PRKDC: variants seen among roughly 807,000 people sequenced by gnomAD.
The protein encoded by PRKDC is protein kinase, DNA-activated, catalytic subunit.
PRKDC carries 82 observed loss-of-function variants against 486.9 expected under a neutral mutation model. The observed-to-expected ratio is 0.17, with a 90% CI of 0.14 to 0.20. The LOEUF (loss-of-function observed/expected upper bound fraction) is 0.20, where lower values mean the gene tolerates loss of function less well. PRKDC is among the 10% of genes least tolerant of loss of function. PRKDC has a pLI of 1.00. For synonymous variants in PRKDC, 1,895 were observed against 1,837.0 expected, an observed-to-expected ratio of 1.03 and a Z score of -0.81; for missense variants, 4,504 against 5,038.2, an observed-to-expected ratio of 0.89 and a Z score of 3.21.
intron 26 of PRKDC, among the ~76,000 whole-genome samples, chr8:47,904,312 T>C (rs1338779189): frequency 2.6e-5 from 4 of 152,190 alleles, no homozygotes; most frequent in East Asian, 1.9e-4. Flanking sequence ...TGGAGTGCAG[T>C]AGCGCAATCT....
At chr8:47,939,896 G>T in intron 10 of PRKDC, 199 bp from the exon 11 acceptor site, 1 of 244,916 alleles carries the variant, frequency 4.1e-6, no homozygotes, top group Non-Finnish European at 7.6e-6. Flanking sequence ...ATAAGGCTAT[G>T]TGATACATTT....
intron 40 of PRKDC, 29 bp downstream of exon 40, chr8:47,877,695 T>A: frequency 6.5e-7 from 1 of 1,542,844 alleles, no homozygotes; most frequent in Non-Finnish European, 8.8e-7. Context: ...TGCGTATGGT[T>A]CCTGAGATCC....
At chr8:47,820,974 C>T in intron 65 of PRKDC, 31 bp from the exon 66 acceptor site, 6 of 1,385,644 alleles carry the variant, frequency 4.3e-6, no homozygotes, top group Non-Finnish European at 5.9e-6. Flanking sequence ...CTTGTAACTA[C>T]AGAAGGCCAA....
rs1334046375 is a variant in PRKDC, at chr8:47,774,307, T to C, written c.12253A>G (p.Lys4085Glu). 1 of 1,613,332 alleles carries C rather than the reference T, an allele frequency of 6.2e-7. No individual in the cohort carries two copies. The change falls in exon 86 of 86, where the codon AAA (lysine) becomes GAA (glutamate). Residue 4085 changes from lysine to glutamate, a missense_variant. Transcript: ENST00000314191. Reference sequence around the variant, plus strand: ...TCTTGGGCACGAATGTTGTGATCTTTGCTTCCTCGTGCCACAGCCACATAG... The same window carrying C: ...TCTTGGGCACGAATGTTGTGATCTTCGCTTCCTCGTGCCACAGCCACATAG... ...RDYVAVARGS[K>E]DHNIRAQEPE...
Position 47,782,596 on chromosome 8 carries a change from C to G in PRKDC, c.11178G>C (p.Val3726=), listed in dbSNP as rs779550531. The part of the protein sequence containing the change: ...HVRIAGFDER[V]TVMASLRRPK... ...GCCTTCGCAGAGACGCCATGACTGTCACCTTCAAAAATCAGAATGTCATCT... is the reference window on the plus strand; with the variant it reads ...GCCTTCGCAGAGACGCCATGACTGTGACCTTCAAAAATCAGAATGTCATCT... Residue 3726 remains valine (V), a splice_region_variant and synonymous_variant, in exon 79 of 86, where the codon GTG becomes GTC. Coordinates refer to ENST00000314191, the MANE Select transcript of PRKDC (RefSeq NM_006904.7). This position sits in a 1 kb window ranked among gnomAD's most constrained non-coding sequence, Gnocchi z 4.9. 6.4e-7 allele frequency: 1 copy of G among 1,555,740 alleles called. No homozygotes were observed. Among genetic ancestry groups the G allele is most frequent in the Non-Finnish European group, 8.7e-7 (1 of 1,149,670 alleles).
intron 3 of PRKDC, 64 bp downstream of exon 3, chr8:47,957,107 T>C (rs779645043): frequency 4.2e-5 from 46 of 1,103,226 alleles, no homozygotes; most frequent in Non-Finnish European, 5.8e-5. Flanking sequence ...TCCAAGTTCC[T>C]CACACCATAA....
rs76264409 is a variant in PRKDC at position 47,851,872 on chromosome 8, G to T, written c.7005+801C>A. 4.6e-3 allele frequency among the ~76,000 whole-genome samples: 705 copies of T among 152,244 alleles called. 6 individuals are homozygous for T. The highest frequency in any genetic ancestry group is 0.016 in the African/African-American group (668 of 41,526). On this transcript the variant is annotated intron_variant, in intron 52 of 85. Coordinates refer to ENST00000314191, the MANE Select transcript of PRKDC (RefSeq NM_006904.7). The stretch of plus-strand genomic sequence containing the variant: ...GCTCTGCAGCAGCAAGATCCCCAGG[G>T]ATCCACAGAGCACCTTATCCCAGTG...
intron 29 of PRKDC, among the ~76,000 whole-genome samples, chr8:47,897,897 T>C (rs1401533790): frequency 6.6e-6 from 1 of 152,152 alleles, no homozygotes; most frequent in Non-Finnish European, 1.5e-5. Context: ...GTCACTAGCA[T>C]GGATAACAGA....
Position 47,890,349 on chromosome 8 carries a change from C to T in PRKDC, c.3979G>A (p.Gly1327Arg), listed in dbSNP as rs1224613044. ...CATTTGCTGTAGTTGTACCTTTCTC[C>T]CTCTTGTGGGCTTGTTCTGTTACCT... Reference protein sequence around the residue: ...AAGNRTSPQEGERYNYSKCTV... With the variant: ...AAGNRTSPQERERYNYSKCTV... Residue 1327 changes from glycine to arginine, a missense_variant, in exon 32 of 86, where the codon GGA (glycine) becomes AGA (arginine). By Grantham distance (125) the Gly-to-Arg change is moderately radical. Around this residue, in one of 6 missense-constraint regions of PRKDC, gnomAD observed 1,969 missense variants for 2,068.9 expected, o/e 0.95. Coordinates refer to ENST00000314191, the MANE Select transcript of PRKDC (RefSeq NM_006904.7). The T allele has an allele frequency of 1.2e-6, 2 of 1,613,522 alleles. No homozygotes were observed. Among genetic ancestry groups the T allele is most frequent in the African/African-American group, 1.3e-5 (1 of 75,020 alleles).
chr8:47,952,695 T>A (rs1428260151), intron 7 of PRKDC, among the ~76,000 whole-genome samples: 2 of 149,862 alleles, frequency 1.3e-5, no homozygotes, highest in African/African-American at 4.9e-5. Context: ...GTCTCAATTA[T>A]AAAAAGAAAA....
chr8:47,819,287 G>A, intron 67 of PRKDC, 115 bp downstream of exon 67: 1 of 616,276 alleles, frequency 1.6e-6, no homozygotes, highest in Non-Finnish European at 2.8e-6. Flanking sequence ...AAATTCGATG[G>A]AGTTTCCAAC....
At chr8:47,869,064 T>C (rs1589754376) in intron 40 of PRKDC, among the ~76,000 whole-genome samples, 1 of 152,234 alleles carries the variant, frequency 6.6e-6, no homozygotes, top group Admixed American at 6.5e-5. Flanking sequence ...TAAAGTGCCT[T>C]GGGGTCCCAA....
intron 12 of PRKDC, 51 bp from the exon 13 acceptor site, chr8:47,935,951 A>G: frequency 1.1e-5 from 17 of 1,491,378 alleles, no homozygotes; most frequent in Non-Finnish European, 1.6e-5. Flanking sequence ...ATCAATGAAT[A>G]CAGGAATAAT....
At chr8:47,922,555 CT>C (rs1394092247) in intron 21 of PRKDC, among the ~76,000 whole-genome samples, 1 of 151,834 alleles carries the variant, frequency 6.6e-6, no homozygotes, top group Non-Finnish European at 1.5e-5. Flanking sequence ...ATCCTCATCC[CT>C]CGGTCAATCA....
At chr8:47,928,565 T>G (rs2090194485) in intron 19 of PRKDC, among the ~76,000 whole-genome samples, 2 of 151,962 alleles carry the variant, frequency 1.3e-5, no homozygotes, top group African/African-American at 4.8e-5. Context: ...ATTTATTTTT[T>G]TTTTTGAGAC....
chr8:47,802,223 C>T (rs2087123053), intron 70 of PRKDC, among the ~76,000 whole-genome samples: 1 of 152,068 alleles, frequency 6.6e-6, no homozygotes. Flanking sequence ...ACTATGGGTG[C>T]GTGCCACCAC....
intron 36 of PRKDC, among the ~76,000 whole-genome samples, chr8:47,882,625 C>A (rs1196794945): frequency 1.3e-5 from 2 of 152,156 alleles, no homozygotes; most frequent in Admixed American, 1.3e-4. Context: ...CATGCACACA[C>A]GCAAACGCAC....
At chr8:47,804,246 A>G (rs2087171293) in intron 69 of PRKDC, among the ~76,000 whole-genome samples, 1 of 150,734 alleles carries the variant, frequency 6.6e-6, no homozygotes, top group Non-Finnish European at 1.5e-5. Context: ...ACCTGTCAGC[A>G]CTTCTTTCCT....
intron 33 of PRKDC, 81 bp downstream of exon 33, chr8:47,888,933 G>T: frequency 1.4e-6 from 2 of 1,387,346 alleles, no homozygotes; most frequent in Non-Finnish European, 2.0e-6. Flanking sequence ...GAGGAAGCAG[G>T]AGCAGCTGCA....
Sources: gnomAD v4.1 joint callset for allele counts (sites outside exome capture counted in the v4.1 genomes callset) on GRCh38, gnomAD v4.1.1 for gene constraint, gnomAD v4.1.1 regional missense constraint, Gnocchi (gnomAD v3.1) non-coding constraint, MANE v1.5 for transcripts, NCBI Gene and HGNC (gene_info 2026-07-23, HGNC 2026-07-21) for gene names.